Variants in GMPR observed in about 807,000 individuals in gnomAD.
GMPR encodes the protein GMP reductase 1.
In GMPR, 31 loss-of-function variants were observed where a neutral mutation model predicts 38.4. The ratio of observed to expected loss-of-function variants is 0.81; its 90% CI spans 0.61 to 1.09. GMPR has a LOEUF of 1.09. Ranked by LOEUF, GMPR falls within the 50% of genes least tolerant of loss-of-function variation. The pLI is 0.00. For missense variants in GMPR, 468 were observed against 453.7 expected (o/e 1.03, Z -0.29); for synonymous variants, 162 against 173.3 (o/e 0.93, Z 0.51).
intron 7 of GMPR, 69 bp downstream of exon 7, chr6:16,285,904 G>T: frequency 7.6e-7 from 1 of 1,315,118 alleles, no homozygotes; most frequent in Non-Finnish European, 1.1e-6. Context: ...CTCTCCAGCT[G>T]GCAACCTGAA....
chr6:16,266,373 AAG>A (rs1456382860), intron 4 of GMPR, among the ~76,000 whole-genome samples: 1 of 127,616 alleles, frequency 7.8e-6, no homozygotes, highest in Non-Finnish European at 1.7e-5. Flanking sequence ...CACTGTGAAA[AAG>A]GTGGCACGTC....
chr6:16,254,430 G>A, intron 3 of GMPR, 132 bp from the exon 4 acceptor site: 2 of 697,590 alleles, frequency 2.9e-6, no homozygotes, highest in Non-Finnish European at 5.1e-6. Flanking sequence ...TTGAGCAGGT[G>A]CACTGTGCAT....
intron 8 of GMPR, among the ~76,000 whole-genome samples, chr6:16,291,501 G>T (rs1759840614): frequency 6.6e-6 from 1 of 152,076 alleles, no homozygotes; most frequent in Non-Finnish European, 1.5e-5. Flanking sequence ...TGGGATTATA[G>T]GCATGAGCCA....
At chr6:16,289,548 C>G (rs374958385) in intron 7 of GMPR, 1 of 152,230 alleles carries the variant, frequency 6.6e-6, no homozygotes, top group Admixed American at 6.5e-5. Context: ...TGTGCCTGTC[C>G]TGGAAATGTG....
intron 8 of GMPR, among the ~76,000 whole-genome samples, chr6:16,292,566 A>G (rs896126301): frequency 1.3e-5 from 2 of 152,114 alleles, no homozygotes; most frequent in African/African-American, 2.4e-5. Context: ...TGGTTGGGTA[A>G]GGAGGAGGCA....
chr6:16,242,041 T>C (rs115134527), intron 1 of GMPR, among the ~76,000 whole-genome samples: 1,909 of 152,256 alleles, frequency 0.013, 37 homozygotes, highest in African/African-American at 0.043. Context: ...ACCCAGCTGA[T>C]AAGAATTAAA....
intron 6 of GMPR, among the ~76,000 whole-genome samples, chr6:16,279,892 T>TA (rs1306580407): frequency 6.6e-6 from 1 of 151,566 alleles, no homozygotes; most frequent in African/African-American, 2.4e-5. Context: ...AGGGGCAAAA[T>TA]AAAAAAGAGA....
rs1410700563 is a variant in GMPR at position 16,289,880 on chromosome 6, T to TTTTG, written c.698-579_698-578insGTTT. 1.4e-4 allele frequency: 16 copies of TTTTG among 116,352 alleles called. 1 individual carries two copies. Among genetic ancestry groups the TTTTG allele is most frequent in the Admixed American group, 3.6e-4 (4 of 11,010 alleles). The allele number at this position is 116,352 out of a possible 1,614,324, so 7.2% of individuals were successfully genotyped here. A position where few individuals can be genotyped will look rare whatever the true frequency, so the allele number is the denominator to read the frequency against. On this transcript the variant is annotated intron_variant, in intron 7 of 8. Coordinates refer to ENST00000259727, the MANE Select transcript of GMPR (RefSeq NM_006877.4). Reference sequence around the variant, plus strand: ...TTTTTTTTTTTTTTTTTTTTTTTTTTTTTTTGTGAGACGGAGTCTCCCTCT... The same window carrying TTTTG: ...TTTTTTTTTTTTTTTTTTTTTTTTTTTTTGTTTTTGTGAGACGGAGTCTCCCTCT...
intron 4 of GMPR, among the ~76,000 whole-genome samples, chr6:16,267,859 C>A (rs1455935733): frequency 6.6e-6 from 1 of 152,242 alleles, no homozygotes; most frequent in Non-Finnish European, 1.5e-5. Context: ...TCAGCTGCTG[C>A]GGGCAGATCT....
At chr6:16,267,513 G>A (rs543887659) in intron 4 of GMPR, among the ~76,000 whole-genome samples, 2 of 152,240 alleles carry the variant, frequency 1.3e-5, no homozygotes, top group African/African-American at 4.8e-5. Context: ...AAAGGTCTGC[G>A]GCTTCACTCC....
chr6:16,276,918 G>A (rs533837302), intron 5 of GMPR, among the ~76,000 whole-genome samples: 2 of 152,306 alleles, frequency 1.3e-5, no homozygotes, highest in East Asian at 3.9e-4. Context: ...AACCGCCTGT[G>A]TGTTATTTGA....
intron 3 of GMPR, among the ~76,000 whole-genome samples, chr6:16,252,827 C>T (rs901473541): frequency 1.1e-4 from 17 of 152,234 alleles, no homozygotes; most frequent in Admixed American, 3.9e-4. Context: ...CTGTGAACCA[C>T]GAGGCCCAGG....
chr6:16,294,482 G>C (rs1561837865), intron 8 of GMPR, among the ~76,000 whole-genome samples: 1 of 152,190 alleles, frequency 6.6e-6, no homozygotes, highest in East Asian at 1.9e-4. Flanking sequence ...CTTGATTTCT[G>C]ATCTTAGACC....
intron 3 of GMPR, among the ~76,000 whole-genome samples, chr6:16,251,298 C>A (rs956914858): frequency 6.6e-6 from 1 of 152,176 alleles, no homozygotes; most frequent in Non-Finnish European, 1.5e-5. Flanking sequence ...CAGCCCGGCG[C>A]GGTGGCTCAC....
intron 7 of GMPR, among the ~76,000 whole-genome samples, chr6:16,288,863 C>T (rs749132337): frequency 1.4e-4 from 21 of 152,006 alleles, no homozygotes; most frequent in Non-Finnish European, 2.5e-4. Context: ...TGCACCAATC[C>T]ACACTCTGTA....
intron 4 of GMPR, among the ~76,000 whole-genome samples, chr6:16,268,481 A>G (rs1294843680): frequency 5.3e-5 from 8 of 152,116 alleles, no homozygotes; most frequent in Admixed American, 2.6e-4. Flanking sequence ...GTTTTGCCAT[A>G]TTGGCCAGGC....
intron 6 of GMPR, among the ~76,000 whole-genome samples, chr6:16,279,940 G>A (rs1267089376): frequency 1.3e-5 from 2 of 152,086 alleles, no homozygotes; most frequent in African/African-American, 4.8e-5. Flanking sequence ...GGAGGGGGAG[G>A]TGACTGTGCT....
intron 3 of GMPR, among the ~76,000 whole-genome samples, chr6:16,253,944 T>C (rs1015579984): frequency 6.8e-6 from 1 of 147,476 alleles, no homozygotes; most frequent in African/African-American, 2.5e-5. Flanking sequence ...CGGGGTGGGG[T>C]TTGGCGGACG....
chr6:16,295,201 C>T lies in GMPR; in HGVS notation c.*15C>T. The T allele has an allele frequency of 6.7e-7, 1 of 1,490,836 alleles. No individual in the cohort carries two copies. The highest frequency in any genetic ancestry group is 8.9e-7 in the Non-Finnish European group (1 of 1,125,276). 92.4% of individuals were successfully genotyped at this position (1,490,836 alleles called of 1,614,324 possible). On this transcript the variant is annotated 3_prime_UTR_variant, in exon 9 of 9. Transcript: ENST00000259727. Reference sequence around the variant, plus strand: ...TGTTCAGCTAACCCTGGGGACAAAGCAGCGTCTGGCTCGAGTGGAAGCGTC... The same window carrying T: ...TGTTCAGCTAACCCTGGGGACAAAGTAGCGTCTGGCTCGAGTGGAAGCGTC...
Sources: gnomAD v4.1 joint callset for allele counts (sites outside exome capture counted in the v4.1 genomes callset) on GRCh38, gnomAD v4.1.1 for gene constraint, MANE v1.5 for transcripts, NCBI Gene and HGNC (gene_info 2026-07-23, HGNC 2026-07-21) for gene names.